Variants in SYNM observed in about 807,000 individuals in gnomAD.
SYNM encodes desmuslin.
A neutral mutation model predicts 104.0 loss-of-function variants in SYNM; 95 were observed. The observed-to-expected ratio is 0.91, with a 90% CI of 0.77 to 1.08. SYNM has a LOEUF of 1.08. SYNM is among the 50% of genes least tolerant of loss of function. SYNM has a pLI of 0.00. For missense variants in SYNM, 2,150 were observed against 2,052.2 expected, an observed-to-expected ratio of 1.05 and a Z score of -0.92; for synonymous variants, 918 against 869.0, an observed-to-expected ratio of 1.06 and a Z score of -0.99.
downstream of SYNM, among the ~76,000 whole-genome samples, chr15:99,136,100 C>T (rs1001694498): frequency 2.0e-5 from 3 of 152,162 alleles, no homozygotes; most frequent in East Asian, 1.9e-4. Flanking sequence ...TATCTTTACC[C>T]GTTTGTAACC....
At chr15:99,120,096 A>G (rs2067386014) in intron 2 of SYNM, among the ~76,000 whole-genome samples, 1 of 152,230 alleles carries the variant, frequency 6.6e-6, no homozygotes, top group Non-Finnish European at 1.5e-5. Context: ...ACCCACGTTC[A>G]AGGAGGTTAC....
chr15:99,140,486 C>T (rs2068101114), downstream of SYNM: 2 of 152,110 alleles, frequency 1.3e-5, no homozygotes, highest in Admixed American at 1.3e-4. Context: ...TTTCCTGCCT[C>T]AGCCTCCCGA....
At chr15:99,118,203 A>AACTT (rs2151802975) in intron 2 of SYNM, among the ~76,000 whole-genome samples, 1 of 152,296 alleles carries the variant, frequency 6.6e-6, no homozygotes, top group South Asian at 2.1e-4. Flanking sequence ...ATAAGCCAAA[A>AACTT]ACTTACCATT....
chr15:99,129,051 G>A lies in SYNM; in HGVS notation c.1007-316G>A, dbSNP rs1339023853. ...ATTGTGAAATTTCAGCCACAAAAAC[G>A]AGCACCTCTGACCTCTCTGGGATAT... On this transcript the variant is annotated intron_variant, in intron 3 of 3. Transcript: ENST00000336292. 2.1e-5 allele frequency: 5 copies of A among 237,108 alleles called. No homozygotes were observed. The South Asian group carries it at 3.2e-4, about 15-fold the overall frequency. The allele number at this position is 237,108 out of a possible 1,614,324, so 14.7% of individuals were successfully genotyped here.
chr15:99,123,076 C>T lies in SYNM; in HGVS notation c.936-3646C>T, dbSNP rs116408233. Among the ~76,000 whole-genome samples, 387 of 152,270 alleles carry T rather than the reference C, an allele frequency of 2.5e-3. 2 individuals are homozygous for T. Among genetic ancestry groups the T allele is most frequent in the African/African-American group, 9.1e-3 (380 of 41,546 alleles). Reference sequence around the variant, plus strand: ...CTCTTACTCTGTGACAGCCATGGTTCTGAGAACTTTCTGCTTCTTGATTAA... The same window carrying T: ...CTCTTACTCTGTGACAGCCATGGTTTTGAGAACTTTCTGCTTCTTGATTAA... On this transcript the variant is annotated intron_variant, in intron 2 of 3. Coordinates refer to ENST00000336292, the MANE Select transcript of SYNM (RefSeq NM_145728.3).
At chr15:99,140,853 A>G in the SYNM span, 1 of 152,242 alleles carries the variant, frequency 6.6e-6, no homozygotes, top group East Asian at 1.9e-4. Context: ...AGAAATGAGA[A>G]AGGTTTAACA....
At position 99,130,329 on chromosome 15, in the gene SYNM, GA is replaced by G. The variant is rs1368559814; in HGVS notation, c.1971del (p.Ala658HisfsTer29). The part of the protein sequence containing the change: ...LKQFTQSPET[E>X]ASADSFPDTK... ...GCAGTTCACTCAGTCTCCAGAGACA[GA>G]AGCATCTGCTGATTCTTTTCCAGAC... is the stretch of plus-strand genomic sequence containing the variant. On this transcript the variant is annotated frameshift_variant, in exon 4 of 4. Transcript: ENST00000336292. LOFTEE classifies it high-confidence loss of function. 1.9e-6 allele frequency: 3 copies of G among 1,613,730 alleles called. No individual in the cohort carries two copies. The highest frequency in any genetic ancestry group is 2.5e-6 in the Non-Finnish European group (3 of 1,179,832).
intron 2 of SYNM, among the ~76,000 whole-genome samples, chr15:99,118,724 ATAAAAT>A (rs2067372790): frequency 6.6e-6 from 1 of 152,196 alleles, no homozygotes. Flanking sequence ...ACATAAGATA[ATAAAAT>A]TAAAACAAAG....
At chr15:99,137,943 G>A, downstream of SYNM, 1 of 1,586,150 alleles carries the variant, frequency 6.3e-7, no homozygotes, top group East Asian at 2.3e-5. Context: ...TCTAGGCGGA[G>A]GTGATTTGTA....
rs576565203 is a variant in SYNM, at chr15:99,122,679, T to C, written c.936-4043T>C. Among the ~76,000 whole-genome samples, 10 of 152,096 alleles carry C rather than the reference T, an allele frequency of 6.6e-5. No homozygotes were observed. In the East Asian group the frequency reaches 1.9e-3, roughly 30 times the overall value. The stretch of plus-strand genomic sequence containing the variant: ...GGTGAAACCCCATCTCTACAAACGA[T>C]ACAAAAACAACTATTTGGGTGTGGT... On this transcript the variant is annotated intron_variant, in intron 2 of 3. Transcript: ENST00000336292.
chr15:99,123,026 G>A (rs1238621168), intron 2 of SYNM, among the ~76,000 whole-genome samples: 1 of 152,132 alleles, frequency 6.6e-6, no homozygotes, highest in Admixed American at 6.5e-5. Context: ...AGGTGGGGAC[G>A]ACGTGATCGC....
chr15:99,139,321 A>G (rs1555488859), downstream of SYNM: 1 of 1,612,552 alleles, frequency 6.2e-7, no homozygotes, highest in African/African-American at 1.3e-5. Context: ...ACTCACGTGG[A>G]CAGCATGCCC....
At position 99,106,142 on chromosome 15, in the gene SYNM, G is replaced by T. The variant is rs117848835; in HGVS notation, c.810+133G>T. ...CGGACCGGTAGGGCCCGCCCAGAGG[G>T]TGCCCGAATGGCATGGGGACCCGGA... On this transcript the variant is annotated intron_variant, in intron 1 of 3. Transcript: ENST00000336292. The T allele has an allele frequency of 1.2e-3, 1,208 of 991,678 alleles. 35 individuals carry two copies. In the East Asian group the frequency reaches 0.032, roughly 27 times the overall value. 61.4% of individuals were successfully genotyped at this position (991,678 alleles called of 1,614,324 possible). A position where few individuals can be genotyped will look rare whatever the true frequency, so the allele number is the denominator to read the frequency against.
In SYNM at chr15:99,130,867, A is replaced by G. The variant is rs782162140; in HGVS notation, c.2507A>G (p.Asp836Gly). ...GEQSYFVSTP[D>G]EHPGGHDRDD... ...CAGAGTTATTTTGTGTCCACTCCAG[A>G]TGAACACCCCGGGGGGCACGACAGA... Residue 836 changes from aspartate (D) to glycine (G), a missense_variant, in exon 4 of 4, where the codon GAT becomes GGT. Physicochemically the swap from Asp to Gly is moderately conservative, Grantham distance 94. Transcript: ENST00000336292. 3.1e-6 allele frequency: 5 copies of G among 1,613,994 alleles called. No homozygotes were observed. The Middle Eastern group carries it at 4.9e-4, about 160-fold the overall frequency.
At chr15:99,127,560 A>G (rs552045964) in intron 3 of SYNM, among the ~76,000 whole-genome samples, 8 of 152,182 alleles carry the variant, frequency 5.3e-5, no homozygotes, top group Non-Finnish European at 1.0e-4. Flanking sequence ...CTTTTAGGCA[A>G]CTCATGGATT....
intron 2 of SYNM, among the ~76,000 whole-genome samples, chr15:99,125,553 C>T (rs1358038986): frequency 6.6e-6 from 1 of 152,256 alleles, no homozygotes; most frequent in Non-Finnish European, 1.5e-5. Flanking sequence ...TTGCTTTCTT[C>T]CAGCTGCTCA....
rs190610209 is a variant in SYNM, at chr15:99,130,254, G to A, written c.1894G>A (p.Asp632Asn). Residue 632 changes from aspartate to asparagine, a missense_variant, in exon 4 of 4, where the codon GAT (aspartate) becomes AAT (asparagine). Coordinates refer to ENST00000336292, the MANE Select transcript of SYNM (RefSeq NM_145728.3). ...TGATGCCACTGGTTCTCTGCAAGGC[G>A]ATTCCATGACAGAAACCGTAGCAGA... Reference protein sequence around the residue: ...TSDATGSLQGDSMTETVAENI... With the variant: ...TSDATGSLQGNSMTETVAENI... 289 of 1,613,954 alleles carry A rather than the reference G, an allele frequency of 1.8e-4. 3 individuals carry two copies. In the African/African-American group the frequency reaches 3.4e-3, roughly 19 times the overall value.
chr15:99,116,399 G>GGTCCACATGGCGGGATGGTCTCTCTCTT (rs374142821), intron 2 of SYNM, among the ~76,000 whole-genome samples: 1 of 146,976 alleles, frequency 6.8e-6, no homozygotes, highest in Non-Finnish European at 1.5e-5. Flanking sequence ...TCCTCAGACT[G>GGTCCACATGGCGGGATGGTCTCTCTCTT]CCCCAAGTCA....
At chr15:99,118,762 CTG>C (rs1290832273) in intron 2 of SYNM, among the ~76,000 whole-genome samples, 13 of 152,250 alleles carry the variant, frequency 8.5e-5, no homozygotes, top group African/African-American at 2.4e-4. Context: ...GAGTCTAAGA[CTG>C]GGGTTTTGCC....
Sources: allele counts gnomAD v4.1 joint callset (sites outside exome capture counted in the v4.1 genomes callset), GRCh38; gene constraint gnomAD v4.1.1; transcripts MANE v1.5; gene names NCBI Gene and HGNC (gene_info 2026-07-23, HGNC 2026-07-21).